Variants in CFAP299 observed in about 807,000 individuals in gnomAD.
CFAP299 encodes cilia- and flagella-associated protein 299.
A neutral mutation model predicts 27.0 loss-of-function variants in CFAP299; 21 were observed. That is an observed-to-expected ratio of 0.78 (90% CI 0.55 to 1.12). The LOEUF is 1.12. Among genes scored for constraint, CFAP299 ranks in the 50% most tolerant of loss-of-function variants. The pLI, the probability that CFAP299 is intolerant of heterozygous loss-of-function variation, is 0.00. For synonymous variants in CFAP299, 104 were observed against 98.1 expected, an observed-to-expected ratio of 1.06 and a Z score of -0.36; for missense variants, 310 against 276.6, an observed-to-expected ratio of 1.12 and a Z score of -0.86.
chr4:80,871,884 T>G (rs1329292561), intron 4 of CFAP299: 1 of 155,902 alleles, frequency 6.4e-6, no homozygotes, highest in East Asian at 1.9e-4. Flanking sequence ...TCTAATTTAT[T>G]TTTTATAGTT....
At chr4:80,569,564 T>A (rs1735481122) in intron 2 of CFAP299, among the ~76,000 whole-genome samples, 1 of 151,942 alleles carries the variant, frequency 6.6e-6, no homozygotes, top group Non-Finnish European at 1.5e-5. Flanking sequence ...CATGTCAAAT[T>A]AAAGAGAACT....
At chr4:80,876,052 G>A (rs537947574) in intron 4 of CFAP299, among the ~76,000 whole-genome samples, 2 of 151,510 alleles carry the variant, frequency 1.3e-5, no homozygotes, top group Non-Finnish European at 2.9e-5. Flanking sequence ...CAATGATGAT[G>A]TTAACTGAGC....
At chr4:80,558,934 G>A (rs191954038) in intron 2 of CFAP299, among the ~76,000 whole-genome samples, 2 of 152,132 alleles carry the variant, frequency 1.3e-5, no homozygotes, top group Non-Finnish European at 1.5e-5. Flanking sequence ...TAGCACTAAC[G>A]AGAAAAATCA....
At chr4:80,723,963 GATAAGAAACA>G (rs1391968625) in intron 3 of CFAP299, among the ~76,000 whole-genome samples, 3 of 151,802 alleles carry the variant, frequency 2.0e-5, no homozygotes, top group Admixed American at 6.6e-5. Context: ...AATTATGCAA[GATAAGAAACA>G]ATAAGGGGAA....
intron 3 of CFAP299, among the ~76,000 whole-genome samples, chr4:80,675,330 G>T (rs902430240): frequency 6.6e-6 from 1 of 152,202 alleles, no homozygotes; most frequent in African/African-American, 2.4e-5. Context: ...TCCAGACCCT[G>T]TTTACCTGGG....
intron 2 of CFAP299, among the ~76,000 whole-genome samples, chr4:80,378,720 T>G (rs988872413): frequency 1.3e-5 from 2 of 152,140 alleles, no homozygotes; most frequent in Non-Finnish European, 2.9e-5. Context: ...GTGATTTACA[T>G]TGATTGATTT....
At chr4:80,616,309 T>A (rs527594636) in intron 3 of CFAP299, among the ~76,000 whole-genome samples, 14 of 152,182 alleles carry the variant, frequency 9.2e-5, no homozygotes, top group Non-Finnish European at 2.1e-4. Flanking sequence ...TGTATGCTAA[T>A]ACTTCATATA....
intron 1 of CFAP299, among the ~76,000 whole-genome samples, chr4:80,360,040 A>G (rs1454502384): frequency 1.3e-5 from 2 of 152,102 alleles, no homozygotes; most frequent in South Asian, 2.1e-4. Context: ...GGGTTTGGCT[A>G]TGGTATAAAG....
chr4:80,473,630 G>A (rs1267689865), intron 2 of CFAP299, among the ~76,000 whole-genome samples: 1 of 151,962 alleles, frequency 6.6e-6, no homozygotes, highest in Non-Finnish European at 1.5e-5. Flanking sequence ...GAGTACAGTG[G>A]TGCGATCACA....
At chr4:80,810,922 C>T (rs1729121062) in intron 3 of CFAP299, among the ~76,000 whole-genome samples, 1 of 152,110 alleles carries the variant, frequency 6.6e-6, no homozygotes, top group African/African-American at 2.4e-5. Context: ...GCAAAACATG[C>T]CAGCTGCCCC....
chr4:80,914,920 G>A (rs759820348), intron 4 of CFAP299, among the ~76,000 whole-genome samples: 11 of 152,122 alleles, frequency 7.2e-5, no homozygotes, highest in Middle Eastern at 3.4e-3. Flanking sequence ...CAAAGAACAA[G>A]CTTTTGGTTT....
chr4:80,407,755 T>C (rs1412169531), intron 2 of CFAP299, among the ~76,000 whole-genome samples: 1 of 152,232 alleles, frequency 6.6e-6, no homozygotes, highest in African/African-American at 2.4e-5. Flanking sequence ...GGGCCATTTT[T>C]ACCTCCACAA....
chr4:80,898,919 A>G (rs903576999), intron 4 of CFAP299, among the ~76,000 whole-genome samples: 1 of 152,196 alleles, frequency 6.6e-6, no homozygotes, highest in East Asian at 1.9e-4. Context: ...AAAGAGGTAA[A>G]ATTTAGGCTG....
chr4:80,629,475 A>G (rs1349441790), intron 3 of CFAP299, among the ~76,000 whole-genome samples: 1 of 152,132 alleles, frequency 6.6e-6, no homozygotes, highest in African/African-American at 2.4e-5. Flanking sequence ...CTCACTACAA[A>G]AATCAAAAAT....
intron 1 of CFAP299, among the ~76,000 whole-genome samples, chr4:80,341,695 A>T (rs186885299): frequency 3.3e-5 from 5 of 152,350 alleles, no homozygotes; most frequent in African/African-American, 1.2e-4. Flanking sequence ...TTAAAGTTAG[A>T]TAAGCCACAA....
chr4:80,362,997 T>G, intron 2 of CFAP299, 113 bp downstream of exon 2: 1 of 1,194,044 alleles, frequency 8.4e-7, no homozygotes, highest in Non-Finnish European at 1.1e-6. Context: ...AGGTAAAACT[T>G]GGAATATCCT....
At chr4:80,339,951 C>T (rs1229510885) in intron 1 of CFAP299, among the ~76,000 whole-genome samples, 2 of 152,124 alleles carry the variant, frequency 1.3e-5, no homozygotes, top group Non-Finnish European at 2.9e-5. Context: ...GCAGTAATGG[C>T]TAAAGTATTT....
intron 2 of CFAP299, among the ~76,000 whole-genome samples, chr4:80,504,660 T>G (rs192245355): frequency 1.3e-3 from 198 of 147,562 alleles, no homozygotes; most frequent in African/African-American, 4.6e-3. Flanking sequence ...GATTTGGGGT[T>G]TTCTCAGGTT....
intron 3 of CFAP299, among the ~76,000 whole-genome samples, chr4:80,801,121 G>A (rs1206166727): frequency 6.6e-6 from 1 of 150,764 alleles, no homozygotes; most frequent in Non-Finnish European, 1.5e-5. Flanking sequence ...GACACACCCA[G>A]AATCAATACT....
Sources: allele counts gnomAD v4.1 joint callset (sites outside exome capture counted in the v4.1 genomes callset), GRCh38; gene constraint gnomAD v4.1.1; transcripts MANE v1.5; gene names NCBI Gene and HGNC (gene_info 2026-07-23, HGNC 2026-07-21).